The following EEPD1 variants were observed in gnomAD, a reference collection of about 807,000 sequenced individuals.
EEPD1 encodes endonuclease/exonuclease/phosphatase family domain containing 1.
Under a neutral mutation model 46.3 loss-of-function variants are expected in EEPD1, and 17 were observed. The observed-to-expected ratio is 0.37, with a 90% CI of 0.25 to 0.55. The LOEUF (loss-of-function observed/expected upper bound fraction) is 0.55. Ranked by LOEUF, EEPD1 falls within the 20% of genes least tolerant of loss-of-function variation. The pLI is 0.83. For synonymous variants in EEPD1, 313 were observed against 315.6 expected (o/e 0.99, Z 0.09); for missense variants, 673 against 745.6 (o/e 0.90, Z 1.13).
At chr7:36,215,084 G>A (rs1461319091) in intron 2 of EEPD1, among the ~76,000 whole-genome samples, 1 of 152,228 alleles carries the variant, frequency 6.6e-6, no homozygotes, top group African/African-American at 2.4e-5. Context: ...GCAGGCTGGA[G>A]GATAGGGTTT....
intron 3 of EEPD1, among the ~76,000 whole-genome samples, chr7:36,280,033 C>T (rs1221636422): frequency 2.0e-5 from 3 of 152,012 alleles, no homozygotes; most frequent in African/African-American, 4.8e-5. Flanking sequence ...GGAATCAGTG[C>T]GCTGGTGGGA....
At chr7:36,227,217 T>G (rs911990808) in intron 2 of EEPD1, among the ~76,000 whole-genome samples, 3 of 152,196 alleles carry the variant, frequency 2.0e-5, no homozygotes, top group Non-Finnish European at 4.4e-5. Flanking sequence ...ATTCAAGCAG[T>G]TGAAAACCTG....
intron 6 of EEPD1, among the ~76,000 whole-genome samples, chr7:36,293,674 A>G (rs1325976636): frequency 6.6e-6 from 1 of 152,094 alleles, no homozygotes; most frequent in African/African-American, 2.4e-5. Context: ...TAAAAAGAAA[A>G]AATGTTTAGC....
At chr7:36,175,180 A>G (rs556404815) in intron 2 of EEPD1, among the ~76,000 whole-genome samples, 1 of 152,378 alleles carries the variant, frequency 6.6e-6, no homozygotes, top group South Asian at 2.1e-4. Flanking sequence ...CTGTGCACAG[A>G]GAAACCTTTA....
At chr7:36,246,173 G>A (rs902783743) in intron 3 of EEPD1, among the ~76,000 whole-genome samples, 1 of 152,180 alleles carries the variant, frequency 6.6e-6, no homozygotes. Flanking sequence ...CTGCCTGTGT[G>A]AGCTGGGCCC....
chr7:36,165,334 A>C (rs990136019), intron 2 of EEPD1, among the ~76,000 whole-genome samples: 4 of 148,250 alleles, frequency 2.7e-5, no homozygotes, highest in African/African-American at 9.9e-5. Flanking sequence ...GCCTAGGAGT[A>C]GGCTCTAGCA....
chr7:36,295,038 C>A (rs568821513), intron 6 of EEPD1, among the ~76,000 whole-genome samples: 1 of 151,948 alleles, frequency 6.6e-6, no homozygotes, highest in Admixed American at 6.6e-5. Flanking sequence ...ATTAGCCAGG[C>A]GTGGTGGTCC....
chr7:36,295,603 G>T (rs974274607), intron 6 of EEPD1, among the ~76,000 whole-genome samples: 1 of 152,210 alleles, frequency 6.6e-6, no homozygotes, highest in African/African-American at 2.4e-5. Flanking sequence ...TTTGATGAGG[G>T]ATGCAGTGAG....
intron 2 of EEPD1, among the ~76,000 whole-genome samples, chr7:36,212,172 C>T (rs10807878): frequency 0.077 from 11,747 of 152,184 alleles, 712 homozygotes; most frequent in East Asian, 0.16. Context: ...GTTTAACTTA[C>T]GGGTAATCAA....
chr7:36,238,333 T>C (rs768254741), intron 2 of EEPD1, among the ~76,000 whole-genome samples: 8 of 152,200 alleles, frequency 5.3e-5, no homozygotes, highest in Non-Finnish European at 1.0e-4. Flanking sequence ...TGTGACTTAA[T>C]GCCTAACCTC....
At chr7:36,155,250 C>T (rs759054332) in intron 2 of EEPD1, 48 bp downstream of exon 2, 14 of 1,486,350 alleles carry the variant, frequency 9.4e-6, no homozygotes, top group Admixed American at 4.8e-5. Flanking sequence ...GCAACTTGTG[C>T]GTGACCTCAT....
intron 2 of EEPD1, among the ~76,000 whole-genome samples, chr7:36,175,432 A>G (rs1406357357): frequency 6.6e-6 from 1 of 151,948 alleles, no homozygotes; most frequent in East Asian, 1.9e-4. Context: ...AGGTCTCACC[A>G]TGTTGCCCTG....
At chr7:36,275,061 A>G (rs1316443080) in intron 3 of EEPD1, among the ~76,000 whole-genome samples, 2 of 152,222 alleles carry the variant, frequency 1.3e-5, no homozygotes, top group Non-Finnish European at 2.9e-5. Flanking sequence ...ACACACAGGA[A>G]AGTGTTACCA....
At chr7:36,245,798 T>G (rs2115798427) in intron 3 of EEPD1, among the ~76,000 whole-genome samples, 1 of 152,368 alleles carries the variant, frequency 6.6e-6, no homozygotes, top group East Asian at 1.9e-4. Flanking sequence ...GTGCTTTTTT[T>G]GTCAAACATC....
intron 6 of EEPD1, among the ~76,000 whole-genome samples, chr7:36,288,823 A>G (rs1256978077): frequency 4.6e-5 from 7 of 151,290 alleles, no homozygotes; most frequent in East Asian, 3.9e-4. Context: ...CCCAACTAAT[A>G]TAGATGGTTT....
At chr7:36,215,255 A>AGGCGCCTT (rs772941450) in intron 2 of EEPD1, among the ~76,000 whole-genome samples, 3 of 152,208 alleles carry the variant, frequency 2.0e-5, no homozygotes, top group Non-Finnish European at 4.4e-5. Context: ...CCAGGGCAGT[A>AGGCGCCTT]GGCGCCTTGG....
chr7:36,229,065 G>C (rs1458466763), intron 2 of EEPD1, among the ~76,000 whole-genome samples: 1 of 152,156 alleles, frequency 6.6e-6, no homozygotes, highest in Non-Finnish European at 1.5e-5. Flanking sequence ...CTCTTCTAAA[G>C]GCACGTGCGG....
chr7:36,203,722 C>T (rs972871558), intron 2 of EEPD1, among the ~76,000 whole-genome samples: 2 of 152,160 alleles, frequency 1.3e-5, no homozygotes, highest in African/African-American at 4.8e-5. Flanking sequence ...AGTTGCCATT[C>T]TCTCACTTTT....
intron 2 of EEPD1, among the ~76,000 whole-genome samples, chr7:36,237,208 G>A (rs968973692): frequency 6.6e-6 from 1 of 152,286 alleles, no homozygotes; most frequent in South Asian, 2.1e-4. Flanking sequence ...CTCCGAACAC[G>A]TCCAAACATC....
Sources: gnomAD v4.1 joint callset for allele counts (sites outside exome capture counted in the v4.1 genomes callset) on GRCh38, gnomAD v4.1.1 for gene constraint, MANE v1.5 for transcripts, NCBI Gene and HGNC (gene_info 2026-07-23, HGNC 2026-07-21) for gene names.